PPM1L: variants seen among roughly 807,000 people sequenced by gnomAD.
PPM1L encodes protein phosphatase 1L.
PPM1L carries 13 observed loss-of-function variants against 31.4 expected under a neutral mutation model. That is an observed-to-expected ratio of 0.41 (90% CI 0.27 to 0.66). PPM1L has a LOEUF of 0.66. PPM1L is among the 30% of genes least tolerant of loss of function. The pLI, the probability that PPM1L is intolerant of heterozygous loss-of-function variation, is 0.29. For synonymous variants in PPM1L, 184 were observed against 175.4 expected (o/e 1.05, Z -0.39); for missense variants, 326 against 453.7 (o/e 0.72, Z 2.56).
intron 1 of PPM1L, among the ~76,000 whole-genome samples, chr3:160,850,092 C>T (rs781233326): frequency 6.6e-6 from 1 of 152,192 alleles, no homozygotes; most frequent in Admixed American, 6.5e-5. Flanking sequence ...TTGTCACTTA[C>T]ACTCCTCACC....
intron 2 of PPM1L, among the ~76,000 whole-genome samples, chr3:161,000,612 TGGA>T (rs1243856451): frequency 2.0e-5 from 3 of 152,218 alleles, no homozygotes; most frequent in Non-Finnish European, 2.9e-5. Flanking sequence ...ACATTTTCAA[TGGA>T]GTAGTTTATG....
chr3:160,835,642 A>G (rs1713693431), intron 1 of PPM1L, among the ~76,000 whole-genome samples: 1 of 151,832 alleles, frequency 6.6e-6, no homozygotes, highest in Non-Finnish European at 1.5e-5. Context: ...CCTCTCTACC[A>G]CAGACTTCTC....
In PPM1L at chr3:161,075,201, A is replaced by ATAT. The variant is rs1269135297; in HGVS notation, c.*6047_*6049dup. ...TCATGCATTATCTCAAAATATTTCTATATTAATTAGATAATTCACGATGTA... is the reference window on the plus strand; with the variant it reads ...TCATGCATTATCTCAAAATATTTCTATATTATTAATTAGATAATTCACGATGTA... On this transcript the variant is annotated 3_prime_UTR_variant, in exon 4 of 4. Transcript: ENST00000498165. 6 of 152,220 alleles carry ATAT rather than the reference A, an allele frequency of 3.9e-5. No homozygotes were observed. Among genetic ancestry groups the ATAT allele is most frequent in the Non-Finnish European group, 8.8e-5 (6 of 68,044 alleles). 9.4% of individuals were successfully genotyped at this position (152,220 alleles called of 1,614,324 possible).
chr3:160,839,916 G>A (rs952789620), intron 1 of PPM1L, among the ~76,000 whole-genome samples: 1 of 152,144 alleles, frequency 6.6e-6, no homozygotes, highest in Non-Finnish European at 1.5e-5. Flanking sequence ...TCGAATGTAT[G>A]CATTTTTCCT....
chr3:160,938,038 A>G (rs546061872), intron 1 of PPM1L, among the ~76,000 whole-genome samples: 1 of 152,254 alleles, frequency 6.6e-6, no homozygotes, highest in African/African-American at 2.4e-5. Flanking sequence ...CCATACAAGT[A>G]TTTTTCCTGC....
intron 1 of PPM1L, among the ~76,000 whole-genome samples, chr3:160,820,064 C>T (rs537808142): frequency 5.3e-5 from 8 of 151,920 alleles, no homozygotes; most frequent in Non-Finnish European, 8.8e-5. Flanking sequence ...GAGTCCAGAT[C>T]GGAGGTGGGA....
At chr3:160,864,445 G>A (rs1203855730) in intron 1 of PPM1L, among the ~76,000 whole-genome samples, 1 of 152,156 alleles carries the variant, frequency 6.6e-6, no homozygotes, top group Non-Finnish European at 1.5e-5. Flanking sequence ...CCCAAATGCT[G>A]GGATTACAGG....
chr3:160,879,224 A>C (rs865860494), intron 1 of PPM1L, among the ~76,000 whole-genome samples: 40 of 151,372 alleles, frequency 2.6e-4, no homozygotes, highest in Non-Finnish European at 2.2e-4. Context: ...TTTTTTTTCC[A>C]CTCTCTGTTC....
chr3:160,874,087 G>A (rs1047380010), intron 1 of PPM1L, among the ~76,000 whole-genome samples: 1 of 152,126 alleles, frequency 6.6e-6, no homozygotes, highest in Non-Finnish European at 1.5e-5. Flanking sequence ...TGTTATGTGG[G>A]GTTTTGTGGG....
At chr3:160,887,641 C>T (rs550359626) in intron 1 of PPM1L, among the ~76,000 whole-genome samples, 7 of 147,830 alleles carry the variant, frequency 4.7e-5, no homozygotes, top group South Asian at 4.2e-4. Flanking sequence ...AGTGCAGTGG[C>T]GCAATCTTGG....
chr3:160,781,076 T>G (rs1487150360), intron 1 of PPM1L, among the ~76,000 whole-genome samples: 2 of 152,200 alleles, frequency 1.3e-5, no homozygotes, highest in African/African-American at 4.8e-5. Context: ...GTACACATAT[T>G]AACAGGTATA....
At chr3:161,052,630 A>C (rs543711926) in intron 2 of PPM1L, among the ~76,000 whole-genome samples, 2 of 152,324 alleles carry the variant, frequency 1.3e-5, no homozygotes, top group South Asian at 4.1e-4. Flanking sequence ...GGTCATATAC[A>C]TGCAAGGGGA....
rs1393824531 is a variant in PPM1L at position 161,069,158 on chromosome 3, AC to A, written c.*4del. 6.2e-7 allele frequency: 1 copy of A among 1,609,550 alleles called. No homozygotes were observed. Among genetic ancestry groups the A allele is most frequent in the South Asian group, 1.1e-5 (1 of 90,606 alleles). ...TAGCAGCAAAACAGAAGAGCAGTGAACCCTTCAGGGGTCTCAGCTGCCTTAG... is the reference window on the plus strand; with the variant it reads ...TAGCAGCAAAACAGAAGAGCAGTGAACCTTCAGGGGTCTCAGCTGCCTTAG... On this transcript the variant is annotated 3_prime_UTR_variant, in exon 4 of 4. Coordinates refer to ENST00000498165, the MANE Select transcript of PPM1L (RefSeq NM_139245.4).
chr3:160,764,677 A>T (rs1327855516), intron 1 of PPM1L, among the ~76,000 whole-genome samples: 2 of 152,172 alleles, frequency 1.3e-5, no homozygotes, highest in African/African-American at 4.8e-5. Context: ...CATGTTGGCC[A>T]GGCTGGTCAT....
intron 2 of PPM1L, among the ~76,000 whole-genome samples, chr3:160,969,740 C>T (rs1367204876): frequency 6.6e-6 from 1 of 152,112 alleles, no homozygotes; most frequent in African/African-American, 2.4e-5. Flanking sequence ...GGAAGGAAGA[C>T]AAAAACAGAG....
intron 1 of PPM1L, among the ~76,000 whole-genome samples, chr3:160,906,856 C>T (rs1367762295): frequency 1.3e-5 from 2 of 152,208 alleles, no homozygotes; most frequent in Admixed American, 1.3e-4. Flanking sequence ...CCCTTGGTTC[C>T]TTGCCACATA....
rs140625461 is a variant in PPM1L, at chr3:160,828,817, G to A, written c.399+72110G>A. ...TAGAGCCACTAAAAGCTAAACCAGAGCAAAACACCCCAAACACCCTTTATT... is the reference window on the plus strand; with the variant it reads ...TAGAGCCACTAAAAGCTAAACCAGAACAAAACACCCCAAACACCCTTTATT... On this transcript the variant is annotated intron_variant, in intron 1 of 3. Transcript: ENST00000498165. Among the ~76,000 whole-genome samples, 305 of 152,088 alleles carry A rather than the reference G, an allele frequency of 2.0e-3. 1 individual carries two copies. The highest frequency in any genetic ancestry group is 0.01 in the Middle Eastern group (3 of 294).
intron 1 of PPM1L, among the ~76,000 whole-genome samples, chr3:160,834,387 A>T (rs1194802457): frequency 1.3e-5 from 2 of 151,884 alleles, no homozygotes; most frequent in African/African-American, 4.8e-5. Context: ...AGATGGTTGT[A>T]GAAGTGCCGT....
chr3:160,983,521 A>G (rs1268105140), intron 2 of PPM1L, among the ~76,000 whole-genome samples: 1 of 152,200 alleles, frequency 6.6e-6, no homozygotes, highest in Non-Finnish European at 1.5e-5. Flanking sequence ...ATGTACTTCT[A>G]ATCTGTAAAT....
Sources: allele counts gnomAD v4.1 joint callset (sites outside exome capture counted in the v4.1 genomes callset), GRCh38; gene constraint gnomAD v4.1.1; transcripts MANE v1.5; gene names NCBI Gene and HGNC (gene_info 2026-07-23, HGNC 2026-07-21).